RGS6: variants seen among roughly 807,000 people sequenced by gnomAD.
RGS6 encodes regulator of G protein signaling 6.
A neutral mutation model predicts 78.5 loss-of-function variants in RGS6; 30 were observed. That is an observed-to-expected ratio of 0.38 (90% CI 0.29 to 0.52). RGS6 has a LOEUF of 0.52. Among genes scored for constraint, RGS6 ranks in the 20% least tolerant of loss-of-function variants. The probability of loss-of-function intolerance (pLI) is 0.85; values close to 1 mark genes in which losing one functional copy is unlikely to be tolerated. For missense variants in RGS6, 495 were observed against 609.7 expected (o/e 0.81, Z 1.98); for synonymous variants, 206 against 206.0 (o/e 1.00, Z 0.00).
intron 3 of RGS6, among the ~76,000 whole-genome samples, chr14:72,422,384 A>G (rs909869499): frequency 6.6e-6 from 1 of 152,246 alleles, no homozygotes. Flanking sequence ...ATAAAGTAGT[A>G]TATTTATTAT....
At chr14:72,422,345 C>T (rs2094229330) in intron 3 of RGS6, among the ~76,000 whole-genome samples, 1 of 152,130 alleles carries the variant, frequency 6.6e-6, no homozygotes, top group African/African-American at 2.4e-5. Context: ...CTGAGTTATG[C>T]TATAATATCA....
intron 3 of RGS6, among the ~76,000 whole-genome samples, chr14:72,380,276 T>A (rs2085732129): frequency 1.3e-5 from 2 of 151,998 alleles, no homozygotes; most frequent in Admixed American, 6.6e-5. Flanking sequence ...ATTTTATGAA[T>A]AAGACCCCAC....
At chr14:72,078,076 T>C (rs1240361355) in intron 2 of RGS6, among the ~76,000 whole-genome samples, 1 of 152,200 alleles carries the variant, frequency 6.6e-6, no homozygotes, top group Admixed American at 6.5e-5. Context: ...TCCCCACTGC[T>C]GGCAGTAGGG....
intron 12 of RGS6, among the ~76,000 whole-genome samples, chr14:72,493,739 A>G (rs1252227657): frequency 2.0e-5 from 3 of 152,026 alleles, no homozygotes; most frequent in Non-Finnish European, 4.4e-5. Flanking sequence ...AAATGGATCC[A>G]GGCTTCTCAA....
intron 17 of RGS6, chr14:72,550,343 GC>G: frequency 7.3e-6 from 6 of 823,318 alleles, no homozygotes; most frequent in Non-Finnish European, 1.2e-5. Context: ...AGGCAGGGAG[GC>G]AGAGGGCACC....
chr14:72,326,733 C>T (rs1216467515), intron 2 of RGS6, among the ~76,000 whole-genome samples: 2 of 152,172 alleles, frequency 1.3e-5, no homozygotes, highest in African/African-American at 4.8e-5. Flanking sequence ...GATGGAGTCT[C>T]GCTCTGTCCC....
intron 2 of RGS6, among the ~76,000 whole-genome samples, chr14:72,066,080 G>A (rs1436772621): frequency 5.9e-5 from 9 of 152,044 alleles, no homozygotes; most frequent in Non-Finnish European, 1.2e-4. Flanking sequence ...CAAATGTTTG[G>A]GAAGATATCT....
intron 3 of RGS6, among the ~76,000 whole-genome samples, chr14:72,364,716 C>T (rs1174750006): frequency 6.6e-6 from 1 of 152,194 alleles, no homozygotes; most frequent in Non-Finnish European, 1.5e-5. Context: ...ACTGTCCATA[C>T]CTACATGTGA....
chr14:72,257,826 G>A (rs1322675874), intron 2 of RGS6, among the ~76,000 whole-genome samples: 1 of 152,146 alleles, frequency 6.6e-6, no homozygotes, highest in East Asian at 1.9e-4. Flanking sequence ...TCTGTGTCAT[G>A]AGGCCACAGA....
chr14:72,501,375 A>G (rs933704356), intron 13 of RGS6, among the ~76,000 whole-genome samples: 7 of 148,002 alleles, frequency 4.7e-5, no homozygotes, highest in Admixed American at 2.0e-4. Flanking sequence ...AAGTCCAAGG[A>G]TAAGAAAGTT....
chr14:72,294,974 T>C (rs2064433187), intron 2 of RGS6, among the ~76,000 whole-genome samples: 1 of 152,180 alleles, frequency 6.6e-6, no homozygotes, highest in South Asian at 2.1e-4. Context: ...CTTGGTATGC[T>C]TTTGCATGCA....
intron 3 of RGS6, among the ~76,000 whole-genome samples, chr14:72,375,481 C>T (rs894106247): frequency 3.9e-5 from 6 of 152,198 alleles, no homozygotes; most frequent in Non-Finnish European, 7.3e-5. Flanking sequence ...GGCTGAGCAG[C>T]TGTGCACCCA....
At chr14:72,257,356 T>C (rs1045475990) in intron 2 of RGS6, among the ~76,000 whole-genome samples, 4 of 152,200 alleles carry the variant, frequency 2.6e-5, no homozygotes, top group African/African-American at 9.7e-5. Flanking sequence ...GTTGTTAGTA[T>C]ATAGAAATGC....
At chr14:72,618,759 C>G in the RGS6 span, among the ~76,000 whole-genome samples, 1 of 152,196 alleles carries the variant, frequency 6.6e-6, no homozygotes, top group Middle Eastern at 3.4e-3. Flanking sequence ...CACCAAGGAA[C>G]AAGAAAGGGT....
intron 1 of RGS6, among the ~76,000 whole-genome samples, chr14:71,958,692 G>A (rs1368002008): frequency 6.6e-6 from 1 of 152,116 alleles, no homozygotes; most frequent in Non-Finnish European, 1.5e-5. Flanking sequence ...CCAAACATCA[G>A]GCAGCATGGG....
rs1180320978 is a variant in RGS6 at position 72,518,520 on chromosome 14, A to G, written c.1261A>G (p.Thr421Ala). ...AAATGTCAAAGATGGAGGGAGATAT[A>G]CATTTGAAGACGCCCAGGTTTGCTT... ...SQNVKDGGRYTFEDAQEHIYK... is the reference protein window; with the variant it reads ...SQNVKDGGRYAFEDAQEHIYK... The change falls in exon 15 of 18, where the codon ACA becomes GCA. Residue 421 changes from threonine to alanine, a missense_variant. Thr to Ala is a moderately conservative substitution (Grantham distance 58). Transcript: ENST00000553525. 2 of 1,614,032 alleles carry G rather than the reference A, an allele frequency of 1.2e-6. No individual in the cohort carries two copies. Among genetic ancestry groups the G allele is most frequent in the Non-Finnish European group, 1.7e-6 (2 of 1,179,986 alleles).
At chr14:72,475,045 G>T (rs949924461) in intron 10 of RGS6, among the ~76,000 whole-genome samples, 1 of 152,080 alleles carries the variant, frequency 6.6e-6, no homozygotes, top group Admixed American at 6.5e-5. Flanking sequence ...CTTCCCAAGG[G>T]CTTCCTGAAA....
intron 2 of RGS6, among the ~76,000 whole-genome samples, chr14:72,121,193 A>T (rs576937537): frequency 6.6e-5 from 10 of 152,274 alleles, no homozygotes; most frequent in Admixed American, 1.3e-4. Context: ...GTGAAGTATT[A>T]ACTTGACGAC....
chr14:72,036,020 A>G (rs550110227), intron 2 of RGS6, among the ~76,000 whole-genome samples: 72 of 152,126 alleles, frequency 4.7e-4, no homozygotes, highest in African/African-American at 1.7e-3. Flanking sequence ...TGTAGTCAAT[A>G]TCCCTAGTCC....
Sources: gnomAD v4.1 joint callset for allele counts (sites outside exome capture counted in the v4.1 genomes callset) on GRCh38, gnomAD v4.1.1 for gene constraint, MANE v1.5 for transcripts, NCBI Gene and HGNC (gene_info 2026-07-23, HGNC 2026-07-21) for gene names.